The following PHF21B variants were observed in gnomAD, a reference collection of about 807,000 sequenced individuals.
PHF21B encodes the protein PHD finger protein 4.
In PHF21B, 22 loss-of-function variants were observed where a neutral mutation model predicts 62.2. That is an observed-to-expected ratio of 0.35 (90% CI 0.25 to 0.51). The LOEUF (loss-of-function observed/expected upper bound fraction) is 0.51, where lower values mean the gene tolerates loss of function less well. Among genes scored for constraint, PHF21B ranks in the 20% least tolerant of loss-of-function variants. PHF21B has a pLI of 0.97. For synonymous variants in PHF21B, 341 were observed against 314.7 expected, an observed-to-expected ratio of 1.08 and a Z score of -0.88; for missense variants, 701 against 707.9, an observed-to-expected ratio of 0.99 and a Z score of 0.11.
chr22:44,986,680 G>T (rs946552768), intron 2 of PHF21B, among the ~76,000 whole-genome samples: 4 of 152,142 alleles, frequency 2.6e-5, no homozygotes, highest in Non-Finnish European at 4.4e-5. Flanking sequence ...GCCCCCATCT[G>T]TCCACTGCAA....
chr22:44,981,866 AAGTGTATCC>A (rs1289756892), intron 2 of PHF21B, among the ~76,000 whole-genome samples: 3 of 152,228 alleles, frequency 2.0e-5, no homozygotes, highest in Non-Finnish European at 2.9e-5. Context: ...AAGGTAACAA[AAGTGTATCC>A]AGTTACTATG....
intron 5 of PHF21B, among the ~76,000 whole-genome samples, chr22:44,898,113 T>A (rs2071091581): frequency 6.6e-6 from 1 of 152,266 alleles, no homozygotes; most frequent in East Asian, 1.9e-4. Context: ...CAGCCCTTTG[T>A]TTTCTGTCCC....
chr22:44,942,524 G>A (rs967599817), intron 2 of PHF21B, among the ~76,000 whole-genome samples: 1 of 152,218 alleles, frequency 6.6e-6, no homozygotes, highest in Non-Finnish European at 1.5e-5. Flanking sequence ...CCAATGCTGG[G>A]AGGTGGAGGA....
chr22:44,948,244 T>C (rs1416316591), intron 2 of PHF21B, among the ~76,000 whole-genome samples: 2 of 152,224 alleles, frequency 1.3e-5, no homozygotes, highest in Admixed American at 1.3e-4. Flanking sequence ...CACCATAACA[T>C]AGCATAAGTG....
chr22:44,986,339 GACA>G (rs1294854789), intron 2 of PHF21B, among the ~76,000 whole-genome samples: 13 of 142,444 alleles, frequency 9.1e-5, no homozygotes, highest in South Asian at 2.3e-4. Flanking sequence ...TCATCACCAT[GACA>G]ACATTACCAG....
chr22:44,900,436 G>A (rs1459810336), intron 5 of PHF21B, among the ~76,000 whole-genome samples: 4 of 152,126 alleles, frequency 2.6e-5, no homozygotes, highest in African/African-American at 9.7e-5. Flanking sequence ...GAGTAGCTGG[G>A]ATTACAGGCA....
chr22:44,891,487 C>T (rs771328437), intron 7 of PHF21B, 127 bp from the exon 8 acceptor site: 2 of 1,081,046 alleles, frequency 1.9e-6, no homozygotes, highest in Non-Finnish European at 2.7e-6. Flanking sequence ...TCTGGCTGGA[C>T]ACCCCCTGCC....
At chr22:44,928,778 T>A (rs539844082) in intron 2 of PHF21B, among the ~76,000 whole-genome samples, 2 of 152,234 alleles carry the variant, frequency 1.3e-5, no homozygotes, top group Non-Finnish European at 2.9e-5. Context: ...GGCTGCTTCC[T>A]CGCAGTGGGC....
chr22:44,959,870 A>G (rs2072381896), intron 2 of PHF21B, among the ~76,000 whole-genome samples: 2 of 152,190 alleles, frequency 1.3e-5, no homozygotes, highest in South Asian at 4.1e-4. Context: ...ACCCAACCAG[A>G]GCAACAGCAA....
rs142947212 is a variant in PHF21B, at chr22:44,960,868, C to A, written c.121-40378G>T. Among the ~76,000 whole-genome samples, 242 of 151,984 alleles carry A rather than the reference C, an allele frequency of 1.6e-3. 2 individuals are homozygous for A. Among genetic ancestry groups the A allele is most frequent in the African/African-American group, 5.6e-3 (233 of 41,464 alleles). On this transcript the variant is annotated intron_variant, in intron 2 of 12. Transcript: ENST00000313237. The stretch of plus-strand genomic sequence containing the variant: ...TCTCCAGCCTCCTTTTGGACTGGAA[C>A]TTACAGCATCGACTCTTCAGGGTCT...
intron 2 of PHF21B, among the ~76,000 whole-genome samples, chr22:44,958,587 G>A (rs769125955): frequency 2.1e-5 from 3 of 140,084 alleles, no homozygotes; most frequent in South Asian, 2.2e-4. Flanking sequence ...TCATCTTCCA[G>A]CCTTCCTTTG....
intron 3 of PHF21B, among the ~76,000 whole-genome samples, chr22:44,917,479 G>A (rs1231205397): frequency 6.6e-6 from 1 of 152,120 alleles, no homozygotes; most frequent in African/African-American, 2.4e-5. Flanking sequence ...TGCCCCAGAT[G>A]AGGACACACC....
rs540966142 is a variant in PHF21B, at chr22:44,895,898, G to C, written c.883+134C>G. On this transcript the variant is annotated intron_variant, in intron 6 of 12. Transcript: ENST00000313237. ...CCGGGACATCCTGAGACCCACTGCAGCAGTGTGAGGCCACGCTCCACCCAT... is the reference window on the plus strand; with the variant it reads ...CCGGGACATCCTGAGACCCACTGCACCAGTGTGAGGCCACGCTCCACCCAT... 3 of 931,954 alleles carry C rather than the reference G, an allele frequency of 3.2e-6. No individual in the cohort carries two copies. The South Asian group carries it at 4.0e-5, about 12-fold the overall frequency. The allele number at this position is 931,954 out of a possible 1,614,324, so 57.7% of individuals were successfully genotyped here.
chr22:45,007,893 C>CCCCGGAGGGGG (rs958879920), intron 2 of PHF21B, among the ~76,000 whole-genome samples: 14 of 151,702 alleles, frequency 9.2e-5, no homozygotes, highest in South Asian at 8.3e-4. Context: ...AACTTTTCCT[C>CCCCGGAGGGGG]CCCGGAGGGG....
chr22:44,984,477 C>T (rs569351749), intron 2 of PHF21B, among the ~76,000 whole-genome samples: 17 of 152,278 alleles, frequency 1.1e-4, no homozygotes, highest in Non-Finnish European at 2.2e-4. Flanking sequence ...GTGGTGGATT[C>T]CCCAGGTATG....
At chr22:44,883,844 C>T (rs908382662) in intron 12 of PHF21B, among the ~76,000 whole-genome samples, 1 of 152,112 alleles carries the variant, frequency 6.6e-6, no homozygotes, top group African/African-American at 2.4e-5. Context: ...ATTATAGGGA[C>T]AATCACAAAG....
At chr22:45,002,824 G>C (rs547836314) in intron 2 of PHF21B, 1 of 152,296 alleles carries the variant, frequency 6.6e-6, no homozygotes, top group Admixed American at 6.5e-5. Flanking sequence ...TCTCCTCCTC[G>C]TTCATGGTTT....
Position 44,887,943 on chromosome 22 carries a change from G to C in PHF21B, c.1197+20C>G. ...CCTCCATGCCAGTCTGGGGTGAGGG[G>C]GTCACACAGCCTCCTGTACCTTCTG... is the stretch of plus-strand genomic sequence containing the variant. On this transcript the variant is annotated intron_variant, in intron 10 of 12. Coordinates refer to ENST00000313237, the MANE Select transcript of PHF21B (RefSeq NM_138415.5). 2.8e-6 allele frequency: 4 copies of C among 1,452,112 alleles called. No individual in the cohort carries two copies. Among genetic ancestry groups the C allele is most frequent in the Non-Finnish European group, 3.6e-6 (4 of 1,096,488 alleles). The allele number at this position is 1,452,112 out of a possible 1,614,324, so 90.0% of individuals were successfully genotyped here.
At chr22:44,986,272 CCAT>C (rs2072947869) in intron 2 of PHF21B, among the ~76,000 whole-genome samples, 1 of 150,368 alleles carries the variant, frequency 6.7e-6, no homozygotes, top group South Asian at 2.1e-4. Context: ...ACCAGCAGCA[CCAT>C]CATGAGCACC....
Sources: gnomAD v4.1 joint callset for allele counts (sites outside exome capture counted in the v4.1 genomes callset) on GRCh38, gnomAD v4.1.1 for gene constraint, MANE v1.5 for transcripts, NCBI Gene and HGNC (gene_info 2026-07-23, HGNC 2026-07-21) for gene names.